YY1: variants seen among roughly 807,000 people sequenced by gnomAD.
YY1 encodes transcriptional repressor protein YY1.
In YY1, 2 loss-of-function variants were observed where a neutral mutation model predicts 35.6. The observed-to-expected ratio is 0.06, with a 90% CI of 0.02 to 0.18. The LOEUF is 0.18. YY1 is among the 10% of genes least tolerant of loss of function. The probability of loss-of-function intolerance (pLI) is 1.00; values close to 1 mark genes in which losing one functional copy is unlikely to be tolerated. For missense variants in YY1, 322 were observed against 573.4 expected (o/e 0.56, Z 4.48); for synonymous variants, 268 against 238.9 (o/e 1.12, Z -1.12).
At chr14:100,263,274 A>G (rs1360213019) in intron 2 of YY1, among the ~76,000 whole-genome samples, 4 of 152,232 alleles carry the variant, frequency 2.6e-5, no homozygotes, top group Non-Finnish European at 5.9e-5. Context: ...CTGGGTCTGT[A>G]CTTGACTCAT....
At chr14:100,269,732 C>T (rs551521139) in intron 2 of YY1, among the ~76,000 whole-genome samples, 62 of 152,266 alleles carry the variant, frequency 4.1e-4, no homozygotes, top group African/African-American at 1.4e-3. Context: ...TTAAGAGTGG[C>T]TGCATTTAAA....
chr14:100,255,558 G>C (rs1173428290), intron 1 of YY1, among the ~76,000 whole-genome samples: 1 of 152,220 alleles, frequency 6.6e-6, no homozygotes, highest in African/African-American at 2.4e-5. Flanking sequence ...GGCAGAGGTT[G>C]CGGTGAGCCA....
intron 1 of YY1, among the ~76,000 whole-genome samples, chr14:100,243,679 C>T (rs1890784360): frequency 6.6e-6 from 1 of 152,002 alleles, no homozygotes; most frequent in South Asian, 2.1e-4. Context: ...TAGCACATGC[C>T]TGTAGTCACT....
In YY1 at chr14:100,242,076, A is replaced by G. The variant is rs533649135; in HGVS notation, c.679+2153A>G. On this transcript the variant is annotated intron_variant, in intron 1 of 4. Transcript: ENST00000262238. ...CAGAATTCAGAATACGATTTGAAAT[A>G]AGATATTTAGGTAAAGATACATTAA... Among the ~76,000 whole-genome samples, 6 of 152,202 alleles carry G rather than the reference A, an allele frequency of 3.9e-5. No individual in the cohort carries two copies. In the South Asian group the frequency reaches 1.0e-3, roughly 26 times the overall value.
intron 1 of YY1, among the ~76,000 whole-genome samples, chr14:100,257,066 T>G (rs575234330): frequency 1.3e-5 from 2 of 152,298 alleles, no homozygotes; most frequent in East Asian, 3.9e-4. Flanking sequence ...TGGTAGTGTA[T>G]GCCACTTGCA....
chr14:100,243,172 C>T (rs1890776870), intron 1 of YY1, among the ~76,000 whole-genome samples: 1 of 152,088 alleles, frequency 6.6e-6, no homozygotes, highest in East Asian at 1.9e-4. Flanking sequence ...ACTGAAATGA[C>T]GTGATATACT....
chr14:100,265,157 C>A (rs999186997), intron 2 of YY1, among the ~76,000 whole-genome samples: 3 of 152,010 alleles, frequency 2.0e-5, no homozygotes, highest in African/African-American at 7.2e-5. Flanking sequence ...GTGGGTGGAT[C>A]GCCTGAGGTC....
In YY1 at chr14:100,277,489, C is replaced by A. The variant is rs750773098; in HGVS notation, c.1134C>A (p.Thr378=). 2 of 1,614,132 alleles carry A rather than the reference C, an allele frequency of 1.2e-6. No homozygotes were observed. The highest frequency in any genetic ancestry group is 2.2e-5 in the South Asian group (2 of 91,076). The change falls in exon 5 of 5, where the codon ACC becomes ACA. Residue 378 remains threonine (T), a synonymous_variant. Transcript: ENST00000262238. This position sits in a 1 kb window ranked among gnomAD's most constrained non-coding sequence, Gnocchi z 5.6. ...TGCGCACACATGTGCGAATCCATAC[C>A]GGAGACAGGCCCTATGTGTGCCCCT... The part of the protein sequence containing the change: ...FNLRTHVRIH[T]GDRPYVCPFD...
intron 1 of YY1, among the ~76,000 whole-genome samples, chr14:100,253,771 C>G (rs1246956112): frequency 6.6e-6 from 1 of 152,082 alleles, no homozygotes; most frequent in Non-Finnish European, 1.5e-5. Context: ...CAGGCATGAG[C>G]CACTGCGCTG....
intron 1 of YY1, among the ~76,000 whole-genome samples, chr14:100,249,748 G>GTTTTTT (rs57119106): frequency 3.5e-5 from 5 of 141,038 alleles, no homozygotes; most frequent in East Asian, 2.1e-4. Context: ...GCTACTTACC[G>GTTTTTT]TTTTTTTTTT....
intron 2 of YY1, among the ~76,000 whole-genome samples, chr14:100,272,341 A>G (rs1192364737): frequency 2.0e-5 from 3 of 151,872 alleles, no homozygotes; most frequent in Non-Finnish European, 2.9e-5. Context: ...ATGTTCTCGT[A>G]GAATTTAAAA....
rs1256109445 is a variant in YY1, at chr14:100,278,839, C to T, written c.*1239C>T. ...AGGTGCCACCTGGCAGTGGGGCACA[C>T]AGAGGGAAGACCAGGCCTGTCCATC... On this transcript the variant is annotated 3_prime_UTR_variant, in exon 5 of 5. Transcript: ENST00000262238. 6.6e-6 allele frequency: 1 copy of T among 152,280 alleles called. No individual in the cohort carries two copies. Among genetic ancestry groups the T allele is most frequent in the East Asian group, 1.9e-4 (1 of 5,198 alleles). The allele number at this position is 152,280 out of a possible 1,614,324, so 9.4% of individuals were successfully genotyped here.
intron 1 of YY1, among the ~76,000 whole-genome samples, chr14:100,248,584 C>T (rs1181330016): frequency 1.3e-5 from 2 of 151,946 alleles, no homozygotes; most frequent in African/African-American, 2.4e-5. Context: ...TGCGCTACAG[C>T]CTTGAACTCC....
At chr14:100,246,279 G>A (rs1042934372) in intron 1 of YY1, among the ~76,000 whole-genome samples, 1 of 152,180 alleles carries the variant, frequency 6.6e-6, no homozygotes, top group African/African-American at 2.4e-5. Context: ...GCACAGGTGC[G>A]GGGCCAGTGT....
chr14:100,244,267 T>G (rs1890795639), intron 1 of YY1, among the ~76,000 whole-genome samples: 2 of 151,688 alleles, frequency 1.3e-5, no homozygotes, highest in Admixed American at 6.6e-5. Flanking sequence ...AGTTTTTTAG[T>G]AGTTTTAGGC....
At chr14:100,241,017 C>T (rs1890731458) in intron 1 of YY1, among the ~76,000 whole-genome samples, 1 of 152,122 alleles carries the variant, frequency 6.6e-6, no homozygotes, top group Non-Finnish European at 1.5e-5. Flanking sequence ...TTAACGAAGG[C>T]CTGAAAACCA....
At chr14:100,271,062 G>A (rs1891231205) in intron 2 of YY1, among the ~76,000 whole-genome samples, 1 of 151,684 alleles carries the variant, frequency 6.6e-6, no homozygotes, top group African/African-American at 2.4e-5. Context: ...TGGCTAACAC[G>A]GTAAGAAACC....
chr14:100,258,266 G>GT (rs1196746337), intron 1 of YY1, among the ~76,000 whole-genome samples: 11 of 152,202 alleles, frequency 7.2e-5, no homozygotes, highest in Non-Finnish European at 1.3e-4. Flanking sequence ...CGTGCAGGGG[G>GT]TGTCAGTAGG....
chr14:100,239,946 G>GGC, intron 1 of YY1, 23 bp downstream of exon 1: 1 of 1,511,450 alleles, frequency 6.6e-7, no homozygotes, highest in South Asian at 1.2e-5. Flanking sequence ...CGCGCGCCCC[G>GGC]GCCCCGGGAT....
Sources: gnomAD v4.1 joint callset for allele counts (sites outside exome capture counted in the v4.1 genomes callset) on GRCh38, gnomAD v4.1.1 for gene constraint, Gnocchi (gnomAD v3.1) non-coding constraint, MANE v1.5 for transcripts, NCBI Gene and HGNC (gene_info 2026-07-23, HGNC 2026-07-21) for gene names.